The following UBE2G1 variants were observed in gnomAD, a reference collection of about 807,000 sequenced individuals.
UBE2G1 encodes ubiquitin conjugating enzyme E2 G1.
Under a neutral mutation model 22.7 loss-of-function variants are expected in UBE2G1, and 5 were observed. That is an observed-to-expected ratio of 0.22 (90% CI 0.12 to 0.46). The LOEUF (loss-of-function observed/expected upper bound fraction) is 0.46, where lower values mean the gene tolerates loss of function less well. Ranked by LOEUF, UBE2G1 falls within the 20% of genes least tolerant of loss-of-function variation. The pLI is 0.99. For synonymous variants in UBE2G1, 74 were observed against 67.5 expected (o/e 1.10, Z -0.47); for missense variants, 88 against 203.9 (o/e 0.43, Z 3.46).
intron 1 of UBE2G1, among the ~76,000 whole-genome samples, chr17:4,330,976 CCACACACACACACACA>C (rs57051928): frequency 7.0e-6 from 1 of 143,574 alleles, no homozygotes; most frequent in Admixed American, 6.9e-5. Flanking sequence ...ACCTTTAAAA[CCACACACACACACACA>C]CACACACACA....
intron 1 of UBE2G1, among the ~76,000 whole-genome samples, chr17:4,317,356 GA>G (rs927965720): frequency 1.7e-4 from 25 of 145,840 alleles, no homozygotes; most frequent in East Asian, 4.0e-4. Context: ...GTCTCAAAAA[GA>G]AAAAAAAAAA....
At chr17:4,358,907 G>A (rs547971281) in intron 1 of UBE2G1, among the ~76,000 whole-genome samples, 24 of 151,990 alleles carry the variant, frequency 1.6e-4, no homozygotes, top group African/African-American at 4.3e-4. Context: ...AGCCGAGATC[G>A]TGCCACTGCA....
At chr17:4,278,783 AGGGGAGCACTTCT>A (rs1406568597) in intron 5 of UBE2G1, among the ~76,000 whole-genome samples, 3 of 152,238 alleles carry the variant, frequency 2.0e-5, no homozygotes, top group African/African-American at 4.8e-5. Context: ...CTGGTAGTAA[AGGGGAGCACTTCT>A]GGTTATAATA....
chr17:4,301,499 TA>T, intron 2 of UBE2G1: 1 of 935,244 alleles, frequency 1.1e-6, no homozygotes, highest in South Asian at 1.3e-5. Flanking sequence ...AGACTCAGGA[TA>T]AACGGAACAG....
At chr17:4,276,858 T>G (rs1199826026) in intron 5 of UBE2G1, among the ~76,000 whole-genome samples, 1 of 152,104 alleles carries the variant, frequency 6.6e-6, no homozygotes, top group Non-Finnish European at 1.5e-5. Context: ...AAGGCCTCAG[T>G]CAATACTATG....
intron 1 of UBE2G1, among the ~76,000 whole-genome samples, chr17:4,344,912 A>C (rs1316976469): frequency 6.6e-6 from 1 of 152,228 alleles, no homozygotes; most frequent in East Asian, 1.9e-4. Context: ...GGTATTAAAA[A>C]ATAAGTATTT....
intron 1 of UBE2G1, among the ~76,000 whole-genome samples, chr17:4,357,291 G>A (rs1969916513): frequency 6.6e-6 from 1 of 151,904 alleles, no homozygotes; most frequent in South Asian, 2.1e-4. Flanking sequence ...GAGTAGTAAT[G>A]CCGGCATATT....
chr17:4,354,166 A>C (rs1374842950), intron 1 of UBE2G1, among the ~76,000 whole-genome samples: 2 of 152,120 alleles, frequency 1.3e-5, no homozygotes, highest in African/African-American at 4.8e-5. Context: ...AGATCTTTTA[A>C]AGGTCAAGCA....
At position 4,313,789 on chromosome 17, in the gene UBE2G1, G is replaced by A. The variant is rs866661143; in HGVS notation, c.47-6666C>T. ...CAATTTTTAAAACTCAGTAAATCCTGGAGTATCCAGTGACTGTTAAATGGG... is the reference window on the plus strand; with the variant it reads ...CAATTTTTAAAACTCAGTAAATCCTAGAGTATCCAGTGACTGTTAAATGGG... On this transcript the variant is annotated intron_variant, in intron 1 of 5. Transcript: ENST00000396981. Among the ~76,000 whole-genome samples the A allele has an allele frequency of 3.3e-5, 5 of 152,132 alleles. No homozygotes were observed. The South Asian group carries it at 6.2e-4, about 19-fold the overall frequency.
chr17:4,317,195 C>G (rs569369048), intron 1 of UBE2G1, among the ~76,000 whole-genome samples: 1 of 152,028 alleles, frequency 6.6e-6, no homozygotes, highest in South Asian at 2.1e-4. Flanking sequence ...ACTAAAAATA[C>G]AAAAATTAGC....
chr17:4,306,145 G>A (rs1382596660), intron 2 of UBE2G1, among the ~76,000 whole-genome samples: 1 of 152,198 alleles, frequency 6.6e-6, no homozygotes, highest in Non-Finnish European at 1.5e-5. Context: ...ATTCTAACCA[G>A]TATTCGGTGG....
chr17:4,294,850 C>T (rs1969089753), intron 3 of UBE2G1, among the ~76,000 whole-genome samples: 1 of 152,066 alleles, frequency 6.6e-6, no homozygotes, highest in Non-Finnish European at 1.5e-5. Flanking sequence ...CTGCAGTGAG[C>T]TGTGATCATG....
intron 1 of UBE2G1, among the ~76,000 whole-genome samples, chr17:4,331,579 C>A (rs182058920): frequency 6.6e-6 from 1 of 152,168 alleles, no homozygotes; most frequent in East Asian, 1.9e-4. Flanking sequence ...GGTGTCAGTG[C>A]GGGCACATGT....
chr17:4,274,196 G>A (rs553390858), intron 5 of UBE2G1, among the ~76,000 whole-genome samples: 14 of 120,582 alleles, frequency 1.2e-4, no homozygotes, highest in Admixed American at 1.1e-3. Flanking sequence ...TAGCCAGGAT[G>A]GTCTTTTTTT....
At chr17:4,319,684 G>T (rs1969415180) in intron 1 of UBE2G1, among the ~76,000 whole-genome samples, 1 of 151,622 alleles carries the variant, frequency 6.6e-6, no homozygotes, top group African/African-American at 2.4e-5. Context: ...GCAGTGAGCT[G>T]TAAGCATGCT....
Position 4,307,089 on chromosome 17 carries a change from T to A in UBE2G1, c.81A>T (p.Ala27=). The A allele has an allele frequency of 6.2e-7, 1 of 1,614,112 alleles. No individual in the cohort carries two copies. Among genetic ancestry groups the A allele is most frequent in the South Asian group, 1.1e-5 (1 of 91,088 alleles). The change falls in exon 2 of 6, where the codon GCA becomes GCT. Residue 27 remains alanine (A), a synonymous_variant. Transcript: ENST00000396981. ...AGAGATCATTGTCATCTATTAAACCTGCAGAAAAGCCTTCCACTGGATTTT... is the reference window on the plus strand; with the variant it reads ...AGAGATCATTGTCATCTATTAAACCAGCAGAAAAGCCTTCCACTGGATTTT... ...LNKNPVEGFS[A]GLIDDNDLYR... is the part of the protein sequence containing the mutation.
chr17:4,310,052 G>A (rs896187989), intron 1 of UBE2G1, among the ~76,000 whole-genome samples: 3 of 152,110 alleles, frequency 2.0e-5, no homozygotes, highest in African/African-American at 7.2e-5. Flanking sequence ...CATGGCTTCA[G>A]CCCCCAGCAT....
At chr17:4,327,793 G>A (rs146427668) in intron 1 of UBE2G1, among the ~76,000 whole-genome samples, 334 of 152,194 alleles carry the variant, frequency 2.2e-3, no homozygotes, top group African/African-American at 7.6e-3. Context: ...CTTCGACGTG[G>A]CCCACACCCA....
intron 4 of UBE2G1, among the ~76,000 whole-genome samples, chr17:4,284,111 C>T (rs1031158040): frequency 1.4e-5 from 2 of 145,676 alleles, no homozygotes; most frequent in Non-Finnish European, 3.0e-5. Flanking sequence ...GAGGCAATAT[C>T]GTGACACTGC....
Sources: gnomAD v4.1 joint callset for allele counts (sites outside exome capture counted in the v4.1 genomes callset) on GRCh38, gnomAD v4.1.1 for gene constraint, MANE v1.5 for transcripts, NCBI Gene and HGNC (gene_info 2026-07-23, HGNC 2026-07-21) for gene names.